GOLIM4: variants seen among roughly 807,000 people sequenced by gnomAD.
GOLIM4 encodes 130 kDa golgi-localized phosphoprotein.
GOLIM4 carries 71 observed loss-of-function variants against 107.4 expected under a neutral mutation model. The ratio of observed to expected loss-of-function variants is 0.66; its 90% confidence interval spans 0.55 to 0.81. GOLIM4 has a LOEUF of 0.81. Among genes scored for constraint, GOLIM4 ranks in the 30% least tolerant of loss-of-function variants. The pLI is 0.00. For synonymous variants in GOLIM4, 327 were observed against 294.8 expected, an observed-to-expected ratio of 1.11 and a Z score of -1.12; for missense variants, 830 against 826.1, an observed-to-expected ratio of 1.00 and a Z score of -0.06.
intron 9 of GOLIM4, among the ~76,000 whole-genome samples, chr3:168,030,480 T>C (rs1718259383): frequency 7.1e-6 from 1 of 140,468 alleles, no homozygotes; most frequent in African/African-American, 2.7e-5. Context: ...ACTCTAGTAA[T>C]GTATATACCA....
chr3:168,036,264 G>A (rs1718646479), intron 8 of GOLIM4, among the ~76,000 whole-genome samples: 1 of 152,240 alleles, frequency 6.6e-6, no homozygotes, highest in Non-Finnish European at 1.5e-5. Flanking sequence ...GCAGCGGCCA[G>A]GTGTGGTGGC....
intron 8 of GOLIM4, among the ~76,000 whole-genome samples, chr3:168,035,119 C>T (rs924795816): frequency 2.0e-5 from 3 of 150,860 alleles, no homozygotes; most frequent in Non-Finnish European, 2.9e-5. Flanking sequence ...TATCTCACAC[C>T]AGTCAGAAGA....
intron 7 of GOLIM4, among the ~76,000 whole-genome samples, chr3:168,037,545 AT>A (rs1358271454): frequency 1.3e-5 from 2 of 152,078 alleles, no homozygotes; most frequent in African/African-American, 2.4e-5. Flanking sequence ...AGAATCCCTA[AT>A]TGGCTAGAAT....
chr3:168,063,310 G>A (rs987468135), intron 1 of GOLIM4, among the ~76,000 whole-genome samples: 1 of 152,192 alleles, frequency 6.6e-6, no homozygotes, highest in Non-Finnish European at 1.5e-5. Flanking sequence ...AATTCTTAGT[G>A]ATATCCTACA....
At chr3:168,024,851 GACTA>G in intron 13 of GOLIM4, 73 bp downstream of exon 13, 1 of 1,423,042 alleles carries the variant, frequency 7.0e-7, no homozygotes, top group Non-Finnish European at 9.8e-7. Flanking sequence ...TGTGGAATAT[GACTA>G]ACCTTTTACA....
chr3:168,056,455 T>C (rs1238589866), intron 1 of GOLIM4, among the ~76,000 whole-genome samples: 4 of 152,120 alleles, frequency 2.6e-5, no homozygotes, highest in African/African-American at 9.7e-5. Context: ...GGGGCCACTG[T>C]CCTCTGGACC....
intron 14 of GOLIM4, among the ~76,000 whole-genome samples, chr3:168,021,606 C>T (rs1209443155): frequency 6.6e-6 from 1 of 151,948 alleles, no homozygotes; most frequent in African/African-American, 2.4e-5. Context: ...GCGGAGGTTG[C>T]AGTGAGCCGA....
chr3:168,059,952 C>G (rs186452957), intron 1 of GOLIM4, among the ~76,000 whole-genome samples: 152 of 152,148 alleles, frequency 1.0e-3, no homozygotes, highest in Non-Finnish European at 1.7e-3. Flanking sequence ...GGGATGTCCT[C>G]AGAGAAACAG....
Position 168,038,816 on chromosome 3 carries a change from C to T in GOLIM4, c.685-1822G>A, listed in dbSNP as rs1377763969. ...CTCTCAAAATTCATATGTTAAAATC[C>T]TAACCTCCAATGTGATGGATCAGGA... On this transcript the variant is annotated intron_variant, in intron 7 of 15. Transcript: ENST00000470487. 2.6e-5 allele frequency among the ~76,000 whole-genome samples: 4 copies of T among 152,126 alleles called. No homozygotes were observed. In the East Asian group the frequency reaches 7.7e-4, roughly 29 times the overall value.
Position 168,032,505 on chromosome 3 carries a change from C to T in GOLIM4, c.1176+15G>A, listed in dbSNP as rs150742203. 12 of 1,593,592 alleles carry T rather than the reference C, an allele frequency of 7.5e-6. No homozygotes were observed. Among genetic ancestry groups the T allele is most frequent in the East Asian group, 2.2e-5 (1 of 44,714 alleles). On this transcript the variant is annotated intron_variant, in intron 9 of 15. Transcript: ENST00000470487. ...CCATCCCAGTACACCATACCAGAAGCGGGTGACTTCATACCTCAGCACGCG... is the reference window on the plus strand; with the variant it reads ...CCATCCCAGTACACCATACCAGAAGTGGGTGACTTCATACCTCAGCACGCG...
At chr3:168,052,382 ACTCT>A (rs1219215447) in intron 1 of GOLIM4, among the ~76,000 whole-genome samples, 4 of 151,450 alleles carry the variant, frequency 2.6e-5, no homozygotes, top group Admixed American at 1.3e-4. Flanking sequence ...ACATACACAC[ACTCT>A]CTCACACACA....
At chr3:168,014,347 T>C (rs1272822476) in intron 14 of GOLIM4, among the ~76,000 whole-genome samples, 2 of 146,540 alleles carry the variant, frequency 1.4e-5, no homozygotes, top group African/African-American at 2.7e-5. Flanking sequence ...CAGGAAGAAG[T>C]TGAATCTCTG....
chr3:168,046,655 A>G (rs930014508), intron 3 of GOLIM4, among the ~76,000 whole-genome samples: 10 of 152,262 alleles, frequency 6.6e-5, no homozygotes, highest in Admixed American at 3.9e-4. Context: ...TAAATCTTAC[A>G]TTCTATAAAA....
At position 168,027,907 on chromosome 3, in the gene GOLIM4, AAGCCACCAGTGG is replaced by A. The variant is rs1718095809; in HGVS notation, c.1514-82_1514-71del. ...AGGATTTCCCTTTCAACTCAAAGAA[AAGCCACCAGTGG>A]ACTTTTCTACAGACTACAATACCTC... On this transcript the variant is annotated intron_variant, in intron 11 of 15. Coordinates refer to ENST00000470487, the MANE Select transcript of GOLIM4 (RefSeq NM_014498.5). 114 of 996,574 alleles carry A rather than the reference AAGCCACCAGTGG, an allele frequency of 1.1e-4. 2 individuals carry two copies. In the South Asian group the frequency reaches 1.5e-3, roughly 13 times the overall value. The allele number at this position is 996,574 out of a possible 1,614,324, so 61.7% of individuals were successfully genotyped here.
At chr3:168,014,919 C>T (rs1325360255) in intron 14 of GOLIM4, among the ~76,000 whole-genome samples, 11 of 149,994 alleles carry the variant, frequency 7.3e-5, no homozygotes, top group African/African-American at 2.7e-4. Flanking sequence ...TATGACAAAC[C>T]CACAGCCAAT....
intron 1 of GOLIM4, among the ~76,000 whole-genome samples, chr3:168,074,242 C>T (rs563502738): frequency 2.0e-5 from 3 of 152,306 alleles, no homozygotes; most frequent in African/African-American, 7.2e-5. Flanking sequence ...TCCAGATAAG[C>T]TGCTTCTGGA....
rs932957054 is a variant in GOLIM4, at chr3:168,072,343, C to T, written c.187+22756G>A. ...TCCTAGCCTTTAACATATTCATTGA[C>T]TTTGTATACCAACTTTGTAAAGAAG... On this transcript the variant is annotated intron_variant, in intron 1 of 15. Transcript: ENST00000470487. Among the ~76,000 whole-genome samples the T allele has an allele frequency of 2.0e-5, 3 of 147,524 alleles. No homozygotes were observed. The Admixed American group carries it at 2.1e-4, about 10-fold the overall frequency.
rs1046596453 is a variant in GOLIM4, at chr3:168,066,401, T to A, written c.188-18036A>T. On this transcript the variant is annotated intron_variant, in intron 1 of 15. Coordinates refer to ENST00000470487, the MANE Select transcript of GOLIM4 (RefSeq NM_014498.5). ...GCAATAGAGAATAAAACTATAACTA[T>A]CCTTTTCAAGTAAGACCCATTAGAA... is the stretch of plus-strand genomic sequence containing the variant. Among the ~76,000 whole-genome samples, 6 of 152,166 alleles carry A rather than the reference T, an allele frequency of 3.9e-5. 1 individual carries two copies. Among genetic ancestry groups the A allele is most frequent in the African/African-American group, 1.4e-4 (6 of 41,456 alleles).
In GOLIM4 at chr3:168,041,455, T is replaced by C; in HGVS notation, c.537A>G (p.Arg179=). ...SKLKETVYNL[R]EENRQLRKAH... Reference sequence around the variant, plus strand: ...CTTTCCTTAGTTGTCTATTCTCTTCTCTCAAATTGTATACAGTCTCTATTT... The same window carrying C: ...CTTTCCTTAGTTGTCTATTCTCTTCCCTCAAATTGTATACAGTCTCTATTT... Residue 179 remains arginine (R), a synonymous_variant, in exon 6 of 16, where the codon AGA becomes AGG. Coordinates refer to ENST00000470487, the MANE Select transcript of GOLIM4 (RefSeq NM_014498.5). The C allele has an allele frequency of 6.5e-7, 1 of 1,546,686 alleles. No homozygotes were observed.
Sources: allele counts gnomAD v4.1 joint callset (sites outside exome capture counted in the v4.1 genomes callset), GRCh38; gene constraint gnomAD v4.1.1; transcripts MANE v1.5; gene names NCBI Gene and HGNC (gene_info 2026-07-23, HGNC 2026-07-21).